Variants in NUDC observed in about 807,000 individuals in gnomAD.
NUDC encodes nuclear distribution C, dynein complex regulator, also known as nuclear migration protein nudC.
In NUDC, 14 loss-of-function variants were observed where a neutral mutation model predicts 45.0. The observed-to-expected ratio is 0.31, with a 90% confidence interval of 0.21 to 0.49. The LOEUF (loss-of-function observed/expected upper bound fraction) is 0.49. Ranked by LOEUF, NUDC falls within the 20% of genes least tolerant of loss-of-function variation. NUDC has a pLI of 0.99. For synonymous variants in NUDC, 153 were observed against 156.7 expected (o/e 0.98, Z 0.17); for missense variants, 323 against 426.2 (o/e 0.76, Z 2.13).
intron 6 of NUDC, 110 bp from the exon 7 acceptor site, chr1:26,945,280 T>C: frequency 1.2e-6 from 1 of 841,354 alleles, no homozygotes; most frequent in Non-Finnish European, 2.0e-6. Flanking sequence ...CCTGCAAGGG[T>C]CTCAGGTGCA....
intron 2 of NUDC, among the ~76,000 whole-genome samples, chr1:26,929,043 A>G (rs2082157038): frequency 6.6e-6 from 1 of 152,180 alleles, no homozygotes; most frequent in African/African-American, 2.4e-5. Flanking sequence ...TGGATAAACA[A>G]TGTGGTATAG....
At chr1:26,945,240 A>G in intron 6 of NUDC, 150 bp from the exon 7 acceptor site, 1 of 696,860 alleles carries the variant, frequency 1.4e-6, no homozygotes, top group Middle Eastern at 3.8e-4. Flanking sequence ...CAGGAAGGGC[A>G]CAGTCTTGTA....
rs2082092391 is a variant in NUDC, at chr1:26,921,766, G to T, written c.-83G>T. ...CTGCGGAAGGCGGACGACTAGAGTC[G>T]TTGGGCCCGGCGCGACCCGCAGGAG... On this transcript the variant is annotated 5_prime_UTR_variant, in exon 1 of 9. Coordinates refer to ENST00000321265, the MANE Select transcript of NUDC (RefSeq NM_006600.4). The T allele has an allele frequency of 1.4e-6, 2 of 1,449,650 alleles. No individual in the cohort carries two copies. Among genetic ancestry groups the T allele is most frequent in the Non-Finnish European group, 1.9e-6 (2 of 1,058,996 alleles). 89.8% of individuals were successfully genotyped at this position (1,449,650 alleles called of 1,614,324 possible).
chr1:26,934,690 C>T (rs1317745908), intron 2 of NUDC, among the ~76,000 whole-genome samples: 10 of 149,356 alleles, frequency 6.7e-5, no homozygotes, highest in Non-Finnish European at 1.2e-4. Flanking sequence ...GATGGAGTCT[C>T]GCTCTGTCGC....
chr1:26,943,527 C>G (rs2082295928), intron 6 of NUDC, among the ~76,000 whole-genome samples: 1 of 152,096 alleles, frequency 6.6e-6, no homozygotes, highest in Admixed American at 6.5e-5. Flanking sequence ...CGTTGATTTA[C>G]CCAAGCTCCT....
Position 26,942,719 on chromosome 1 carries a change from A to G in NUDC, c.489A>G (p.Leu163=), listed in dbSNP as rs753707261. The G allele has an allele frequency of 6.2e-7, 1 of 1,614,256 alleles. No individual in the cohort carries two copies. Among genetic ancestry groups the G allele is most frequent in the Non-Finnish European group, 8.5e-7 (1 of 1,180,050 alleles). The change falls in exon 5 of 9, where the codon CTA becomes CTG. Residue 163 remains leucine (L), a synonymous_variant. Coordinates refer to ENST00000321265, the MANE Select transcript of NUDC (RefSeq NM_006600.4). ...EKDKGKLKPN[L]GNGADLPNYR... ...ACAAAGGAAAACTGAAGCCCAACCT[A>G]GGCAACGGGGCAGACCTGCCCAATT...
chr1:26,942,252 C>T (rs1336763201), intron 4 of NUDC, among the ~76,000 whole-genome samples: 1 of 152,194 alleles, frequency 6.6e-6, no homozygotes, highest in East Asian at 1.9e-4. Context: ...GATCACGCCA[C>T]TGCACTCCAG....
At chr1:26,900,502 C>A in intron 1 of NUDC, 2 of 1,404,334 alleles carry the variant, frequency 1.4e-6, no homozygotes, top group Non-Finnish European at 2.0e-6. Flanking sequence ...GAGCAACGTT[C>A]CAGCCCCTGC....
At chr1:26,906,625 G>A (rs938694165) in intron 2 of NUDC, among the ~76,000 whole-genome samples, 5 of 152,134 alleles carry the variant, frequency 3.3e-5, no homozygotes, top group South Asian at 2.1e-4. Flanking sequence ...CAAGGCAGGC[G>A]GATCATGAGG....
At chr1:26,920,243 G>A (rs1348201263), upstream of NUDC, among the ~76,000 whole-genome samples, 3 of 151,976 alleles carry the variant, frequency 2.0e-5, no homozygotes, top group African/African-American at 2.4e-5. Flanking sequence ...TAATCCTAGC[G>A]CGTTGCGAGG....
At chr1:26,937,780 G>A (rs1220603712) in intron 2 of NUDC, among the ~76,000 whole-genome samples, 2 of 151,834 alleles carry the variant, frequency 1.3e-5, no homozygotes, top group South Asian at 2.1e-4. Flanking sequence ...AGTCTCTCGA[G>A]TAGCTGGAAC....
upstream of NUDC, among the ~76,000 whole-genome samples, chr1:26,918,225 C>T (rs1471390005): frequency 1.4e-5 from 2 of 147,816 alleles, no homozygotes; most frequent in Admixed American, 6.8e-5. Flanking sequence ...GCTGCTGGAG[C>T]GCAGTGGAGT....
At position 26,913,807 on chromosome 1, in the gene NUDC, C is replaced by T. The variant is rs150546920; in HGVS notation, c.93+2572C>T. ...ATGAGGTGCACATAGCTGGACGGGC[C>T]GGTGCTGCCTACATAGGCAGCGGCT... On this transcript the variant is annotated intron_variant, in intron 3 of 6. Transcript: ENST00000435827. 1.0e-4 allele frequency: 155 copies of T among 1,526,314 alleles called. No individual in the cohort carries two copies. The African/African-American group carries it at 1.5e-3, about 15-fold the overall frequency. The allele number at this position is 1,526,314 out of a possible 1,614,324, so 94.5% of individuals were successfully genotyped here.
intron 2 of NUDC, among the ~76,000 whole-genome samples, chr1:26,906,082 G>A (rs915001234): frequency 2.0e-5 from 3 of 152,132 alleles, no homozygotes; most frequent in Non-Finnish European, 1.5e-5. Flanking sequence ...GGGAGCTTGA[G>A]ACCAGCCTGA....
chr1:26,930,152 A>G (rs755504693), intron 2 of NUDC, among the ~76,000 whole-genome samples: 18 of 152,198 alleles, frequency 1.2e-4, no homozygotes, highest in Middle Eastern at 3.4e-3. Flanking sequence ...ATTTCCCTCA[A>G]TGCTCTCTTA....
At chr1:26,925,336 C>T (rs1250043185) in intron 2 of NUDC, among the ~76,000 whole-genome samples, 11 of 151,018 alleles carry the variant, frequency 7.3e-5, no homozygotes, top group Non-Finnish European at 1.0e-4. Flanking sequence ...GTCAGGAGAT[C>T]GAGACCATGC....
At chr1:26,926,021 C>CTT (rs60714498) in intron 2 of NUDC, among the ~76,000 whole-genome samples, 1 of 142,282 alleles carries the variant, frequency 7.0e-6, no homozygotes. Context: ...CATGCCCAGC[C>CTT]TTTTTTTTTT....
intron 1 of NUDC, among the ~76,000 whole-genome samples, chr1:26,923,781 T>C (rs1464002563): frequency 6.6e-6 from 1 of 152,142 alleles, no homozygotes. Context: ...GGCTTTTTAC[T>C]TTCTGGAGAG....
chr1:26,911,560 T>A (rs1415938678), intron 3 of NUDC: 9 of 465,278 alleles, frequency 1.9e-5, no homozygotes, highest in Non-Finnish European at 3.6e-5. Context: ...GGACTTCTGG[T>A]CCAATAAGCA....
Sources: allele counts gnomAD v4.1 joint callset (sites outside exome capture counted in the v4.1 genomes callset), GRCh38; gene constraint gnomAD v4.1.1; transcripts MANE v1.5; gene names NCBI Gene and HGNC (gene_info 2026-07-23, HGNC 2026-07-21).